Variants in PITPNB observed in about 807,000 individuals in gnomAD.
PITPNB encodes phosphatidylinositol transfer protein beta isoform.
In PITPNB, 16 loss-of-function variants were observed where a neutral mutation model predicts 45.9. The ratio of observed to expected loss-of-function variants is 0.35; its 90% confidence interval spans 0.24 to 0.53. The LOEUF is 0.53. Ranked by LOEUF, PITPNB falls within the 20% of genes least tolerant of loss-of-function variation. The pLI is 0.93. For synonymous variants in PITPNB, 112 were observed against 108.9 expected, an observed-to-expected ratio of 1.03 and a Z score of -0.18; for missense variants, 188 against 330.5, an observed-to-expected ratio of 0.57 and a Z score of 3.34.
At chr22:27,855,730 C>T (rs1934154030) in intron 10 of PITPNB, among the ~76,000 whole-genome samples, 1 of 152,224 alleles carries the variant, frequency 6.6e-6, no homozygotes, top group Non-Finnish European at 1.5e-5. Context: ...TAGGCAGGGG[C>T]ATTCCTCGTG....
At position 27,853,550 on chromosome 22, in the gene PITPNB, T is replaced by C; in HGVS notation, c.*152A>G. The C allele has an allele frequency of 1.1e-5, 13 of 1,237,432 alleles. No individual in the cohort carries two copies. Among genetic ancestry groups the C allele is most frequent in the Non-Finnish European group, 1.5e-5 (13 of 860,820 alleles). 76.7% of individuals were successfully genotyped at this position (1,237,432 alleles called of 1,614,324 possible). ...GTGGTTGAGAACCTGTGCATGTGTG[T>C]GTATCATCACAAGCACACATCTGGG... On this transcript the variant is annotated 3_prime_UTR_variant, in exon 12 of 12. Transcript: ENST00000335272.
At position 27,858,499 on chromosome 22, in the gene PITPNB, C is replaced by T. The variant is rs1934234129; in HGVS notation, c.656G>A (p.Arg219Gln). 1.2e-6 allele frequency: 2 copies of T among 1,608,816 alleles called. No individual in the cohort carries two copies. Among genetic ancestry groups the T allele is most frequent in the African/African-American group, 1.3e-5 (1 of 74,670 alleles). Residue 219 changes from arginine to glutamine, a missense_variant, in exon 10 of 12, where the codon CGG (arginine) becomes CAG (glutamine). Physicochemically the swap from Arg to Gln is conservative, Grantham distance 43. Coordinates refer to ENST00000335272, the MANE Select transcript of PITPNB (RefSeq NM_012399.5). ...CTGGCGATGGAAGTTTGTAAATATC[C>T]GTTTTTCTTGCTTTTAAAACAACAA... ...VENFIQKQEK[R>Q]IFTNFHRQLF...
chr22:27,883,998 G>A (rs1165807123), intron 7 of PITPNB, among the ~76,000 whole-genome samples: 1 of 152,206 alleles, frequency 6.6e-6, no homozygotes, highest in Non-Finnish European at 1.5e-5. Context: ...GAAAAAAAAT[G>A]TGACTAGTGA....
At chr22:27,879,830 T>G (rs1035987859) in intron 7 of PITPNB, among the ~76,000 whole-genome samples, 1 of 152,092 alleles carries the variant, frequency 6.6e-6, no homozygotes, top group Admixed American at 6.5e-5. Context: ...AACACCCTAG[T>G]AAAAATTCAG....
chr22:27,853,789 C>A, intron 11 of PITPNB, 126 bp from the exon 12 acceptor site: 1 of 690,964 alleles, frequency 1.4e-6, no homozygotes, highest in Non-Finnish European at 2.6e-6. Context: ...CCAACTACTG[C>A]ATCTTACAAT....
chr22:27,890,707 G>A (rs769962492), intron 7 of PITPNB, among the ~76,000 whole-genome samples: 2 of 152,132 alleles, frequency 1.3e-5, no homozygotes, highest in African/African-American at 2.4e-5. Flanking sequence ...CCAGCTACTC[G>A]GGAGGCTGAG....
intron 1 of PITPNB, among the ~76,000 whole-genome samples, chr22:27,918,189 T>C (rs1936141836): frequency 6.6e-6 from 1 of 152,200 alleles, no homozygotes; most frequent in African/African-American, 2.4e-5. Flanking sequence ...TTGGGAGGTA[T>C]TAAGTCTCAG....
intron 6 of PITPNB, 87 bp downstream of exon 6, chr22:27,896,465 C>T: frequency 4.5e-6 from 4 of 884,458 alleles, no homozygotes; most frequent in Non-Finnish European, 7.6e-6. Flanking sequence ...ACACAGGTGA[C>T]ATTACTTTGA....
At chr22:27,862,439 C>T (rs949030900) in intron 8 of PITPNB, among the ~76,000 whole-genome samples, 1 of 152,150 alleles carries the variant, frequency 6.6e-6, no homozygotes, top group Non-Finnish European at 1.5e-5. Flanking sequence ...GATATTTGTT[C>T]TGTAGTAACA....
At chr22:27,883,965 G>C (rs1283520731) in intron 7 of PITPNB, among the ~76,000 whole-genome samples, 2 of 152,246 alleles carry the variant, frequency 1.3e-5, no homozygotes, top group East Asian at 3.8e-4. Flanking sequence ...ACTTGGGAGT[G>C]CCTGTGTCCT....
At chr22:27,902,521 A>G (rs537727991) in intron 3 of PITPNB, among the ~76,000 whole-genome samples, 5 of 150,282 alleles carry the variant, frequency 3.3e-5, no homozygotes, top group South Asian at 2.1e-4. Context: ...GAATGGATGC[A>G]ATTATTGAGT....
intron 3 of PITPNB, among the ~76,000 whole-genome samples, chr22:27,908,100 C>T (rs142990603): frequency 1.4e-4 from 22 of 151,948 alleles, no homozygotes; most frequent in African/African-American, 4.3e-4. Flanking sequence ...CCATATTTAT[C>T]TAGCCCTCTT....
chr22:27,902,749 T>C (rs959467393), intron 3 of PITPNB, among the ~76,000 whole-genome samples: 3 of 152,218 alleles, frequency 2.0e-5, no homozygotes. Context: ...AGACAGGGTC[T>C]TGCTGTGTCA....
chr22:27,875,866 C>CAGGT (rs758824745), intron 7 of PITPNB, among the ~76,000 whole-genome samples: 25 of 152,174 alleles, frequency 1.6e-4, no homozygotes, highest in Admixed American at 6.5e-5. Context: ...AAGCAAAGAA[C>CAGGT]AGGTAACTCA....
chr22:27,902,030 C>T (rs911891425), intron 3 of PITPNB, among the ~76,000 whole-genome samples: 3 of 152,032 alleles, frequency 2.0e-5, no homozygotes, highest in Non-Finnish European at 2.9e-5. Flanking sequence ...GACTCCTACT[C>T]AGAACTTATT....
rs1002777087 is a variant in PITPNB, at chr22:27,910,993, C to T, written c.168G>A (p.Gln56=). Residue 56 remains glutamine, a synonymous_variant, in exon 3 of 12, where the codon CAG becomes CAA. Transcript: ENST00000335272. ...EPYEKDGEKG[Q]YTHKIYHLKS... ...TTAGGTGATAAATTTTGTGCGTATA[C>T]TGTCCCTTTTCTCCATCCTTCTCAT... 35 of 1,612,920 alleles carry T rather than the reference C, an allele frequency of 2.2e-5. No homozygotes were observed. Among genetic ancestry groups the T allele is most frequent in the Non-Finnish European group, 3.0e-5 (35 of 1,178,954 alleles).
intron 7 of PITPNB, among the ~76,000 whole-genome samples, chr22:27,880,443 A>G (rs12170294): frequency 0.048 from 7,323 of 151,920 alleles, 287 homozygotes; most frequent in South Asian, 0.11. Flanking sequence ...ACATTTTCTG[A>G]CTCTCAGAGA....
At chr22:27,866,393 G>T (rs1312693490) in intron 8 of PITPNB, among the ~76,000 whole-genome samples, 1 of 152,140 alleles carries the variant, frequency 6.6e-6, no homozygotes, top group East Asian at 1.9e-4. Context: ...GAGGTCTTAG[G>T]GGGAGTAATG....
intron 6 of PITPNB, 115 bp downstream of exon 6, chr22:27,896,429 TTTGACACA>T: frequency 1.4e-6 from 1 of 725,142 alleles, no homozygotes; most frequent in Non-Finnish European, 2.5e-6. Context: ...CTCATCTCAA[TTTGACACA>T]GCTTGGTGCG....
Sources: gnomAD v4.1 joint callset for allele counts (sites outside exome capture counted in the v4.1 genomes callset) on GRCh38, gnomAD v4.1.1 for gene constraint, MANE v1.5 for transcripts, NCBI Gene and HGNC (gene_info 2026-07-23, HGNC 2026-07-21) for gene names.